Variants in GRIP1 observed in about 807,000 individuals in gnomAD.
The protein encoded by GRIP1 is glutamate receptor-interacting protein 1.
GRIP1 carries 45 observed loss-of-function variants against 129.9 expected under a neutral mutation model. The ratio of observed to expected loss-of-function variants is 0.35; its 90% CI spans 0.27 to 0.44. GRIP1 has a LOEUF of 0.44. Ranked by LOEUF, GRIP1 falls within the 20% of genes least tolerant of loss-of-function variation. The probability of loss-of-function intolerance (pLI) is 1.00; values close to 1 mark genes in which losing one functional copy is unlikely to be tolerated. For missense variants in GRIP1, 1,196 were observed against 1,396.8 expected (o/e 0.86, Z 2.29); for synonymous variants, 530 against 520.8 (o/e 1.02, Z -0.24).
chr12:66,791,423 C>A (rs1004284357), intron 1 of GRIP1, among the ~76,000 whole-genome samples: 10 of 152,108 alleles, frequency 6.6e-5, no homozygotes, highest in African/African-American at 1.7e-4. Flanking sequence ...TGTTGAGAAA[C>A]CAGCTGAGGC....
intron 2 of GRIP1, among the ~76,000 whole-genome samples, chr12:66,549,543 A>C (rs1015452538): frequency 3.3e-5 from 5 of 152,098 alleles, no homozygotes; most frequent in African/African-American, 9.7e-5. Context: ...TGCTTTTTCC[A>C]ATACTCATTT....
At chr12:67,060,532 T>C (rs760012396) in intron 1 of GRIP1, among the ~76,000 whole-genome samples, 16 of 152,126 alleles carry the variant, frequency 1.1e-4, no homozygotes, top group Non-Finnish European at 1.9e-4. Context: ...TAAAAACAAA[T>C]GATGTTGGCC....
At chr12:66,468,944 T>C (rs1231453099) in intron 7 of GRIP1, among the ~76,000 whole-genome samples, 1 of 152,214 alleles carries the variant, frequency 6.6e-6, no homozygotes, top group East Asian at 1.9e-4. Context: ...AAGTACAACT[T>C]GCCCCATTAA....
intron 2 of GRIP1, among the ~76,000 whole-genome samples, chr12:66,578,232 G>GGTTTTT (rs1555210362): frequency 2.9e-5 from 3 of 102,510 alleles, no homozygotes; most frequent in South Asian, 3.6e-4. Flanking sequence ...CAAAACCGCG[G>GGTTTTT]TTTTTTTTTT....
intron 7 of GRIP1, among the ~76,000 whole-genome samples, chr12:66,476,528 G>C (rs1038532406): frequency 6.6e-6 from 1 of 152,198 alleles, no homozygotes; most frequent in East Asian, 1.9e-4. Context: ...CTCACTTTAT[G>C]AGGTTAGCAT....
chr12:66,964,747 C>A (rs540929672), intron 1 of GRIP1, among the ~76,000 whole-genome samples: 79 of 152,248 alleles, frequency 5.2e-4, no homozygotes, highest in African/African-American at 1.9e-3. Flanking sequence ...TAACAAATTA[C>A]CACAGACTGG....
intron 1 of GRIP1, among the ~76,000 whole-genome samples, chr12:66,876,139 AG>A (rs2040378729): frequency 6.6e-6 from 1 of 152,012 alleles, no homozygotes; most frequent in African/African-American, 2.4e-5. Flanking sequence ...AGCGATAATG[AG>A]GATCAAACTG....
chr12:66,515,279 A>C (rs12579414), intron 7 of GRIP1, among the ~76,000 whole-genome samples: 2 of 151,622 alleles, frequency 1.3e-5, no homozygotes, highest in Admixed American at 6.6e-5. Context: ...TAAAAAAAAA[A>C]AGTACCAGTC....
chr12:67,011,475 C>T (rs1481590989), intron 1 of GRIP1, among the ~76,000 whole-genome samples: 1 of 152,214 alleles, frequency 6.6e-6, no homozygotes, highest in African/African-American at 2.4e-5. Flanking sequence ...CCTCAAACCA[C>T]TCACCTTCAC....
intron 1 of GRIP1, among the ~76,000 whole-genome samples, chr12:66,764,458 T>C (rs934003639): frequency 6.6e-6 from 1 of 152,166 alleles, no homozygotes; most frequent in Non-Finnish European, 1.5e-5. Context: ...TGAGGAAAAG[T>C]TATTATTTTA....
At chr12:66,657,355 G>A (rs979754677) in intron 1 of GRIP1, among the ~76,000 whole-genome samples, 1 of 152,118 alleles carries the variant, frequency 6.6e-6, no homozygotes, top group Non-Finnish European at 1.5e-5. Context: ...TCTGACTTTG[G>A]GATGGGAAGG....
intron 15 of GRIP1, among the ~76,000 whole-genome samples, chr12:66,410,611 C>T (rs1031142052): frequency 6.6e-6 from 1 of 151,988 alleles, no homozygotes; most frequent in Non-Finnish European, 1.5e-5. Flanking sequence ...CCACATCACT[C>T]AGCCTGGGCA....
At chr12:66,414,113 G>T (rs1319554443) in intron 15 of GRIP1, among the ~76,000 whole-genome samples, 1 of 151,770 alleles carries the variant, frequency 6.6e-6, no homozygotes, top group Admixed American at 6.6e-5. Context: ...TCAGGCAAGA[G>T]AAAAAAATAA....
chr12:66,521,907 G>A (rs1240411325), intron 5 of GRIP1, among the ~76,000 whole-genome samples: 1 of 152,198 alleles, frequency 6.6e-6, no homozygotes. Context: ...CTGATTGCTA[G>A]CACAGCAGTC....
At chr12:66,676,418 A>T (rs2034335138) in intron 1 of GRIP1, among the ~76,000 whole-genome samples, 1 of 152,084 alleles carries the variant, frequency 6.6e-6, no homozygotes, top group South Asian at 2.1e-4. Flanking sequence ...GTAGTTTTGG[A>T]GTCATGAAGC....
chr12:66,945,626 C>T (rs1030833049), intron 1 of GRIP1, among the ~76,000 whole-genome samples: 1 of 152,194 alleles, frequency 6.6e-6, no homozygotes, highest in Non-Finnish European at 1.5e-5. Context: ...AACTCACCTA[C>T]TATTGCAAGG....
At chr12:66,681,432 G>T (rs2034580140), upstream of GRIP1, among the ~76,000 whole-genome samples, 1 of 152,114 alleles carries the variant, frequency 6.6e-6, no homozygotes, top group African/African-American at 2.4e-5. Context: ...ATCTCAAAAT[G>T]TATCGATCTG....
At chr12:66,969,887 C>A (rs537064643) in intron 1 of GRIP1, among the ~76,000 whole-genome samples, 4 of 152,114 alleles carry the variant, frequency 2.6e-5, no homozygotes, top group Non-Finnish European at 5.9e-5. Flanking sequence ...TCCTTTTGAT[C>A]TTTTCTTAGC....
intron 2 of GRIP1, among the ~76,000 whole-genome samples, chr12:66,581,422 A>G (rs1434314447): frequency 3.2e-3 from 457 of 142,904 alleles, no homozygotes; most frequent in African/African-American, 3.6e-3. Flanking sequence ...AATTGAAGGA[A>G]ATAGAGACAC....
Sources: gnomAD v4.1 joint callset for allele counts (sites outside exome capture counted in the v4.1 genomes callset) on GRCh38, gnomAD v4.1.1 for gene constraint, MANE v1.5 for transcripts, NCBI Gene and HGNC (gene_info 2026-07-23, HGNC 2026-07-21) for gene names.